The following TIAM1 variants were observed in gnomAD, a reference collection of about 807,000 sequenced individuals.
The protein encoded by TIAM1 is rho guanine nucleotide exchange factor TIAM1.
Under a neutral mutation model 163.5 loss-of-function variants are expected in TIAM1, and 65 were observed. The observed-to-expected ratio is 0.40, with a 90% CI of 0.33 to 0.49. The LOEUF is 0.49. Among genes scored for constraint, TIAM1 ranks in the 20% least tolerant of loss-of-function variants. The pLI is 0.77. For missense variants in TIAM1, 1,789 were observed against 2,044.7 expected (o/e 0.87, Z 2.41); for synonymous variants, 833 against 810.1 (o/e 1.03, Z -0.48).
intron 2 of TIAM1, among the ~76,000 whole-genome samples, chr21:31,387,996 T>A (rs1008704160): frequency 6.6e-6 from 1 of 152,020 alleles, no homozygotes; most frequent in Non-Finnish European, 1.5e-5. Flanking sequence ...GTGTGGCACC[T>A]TCTCTCACTC....
chr21:31,417,197 T>A (rs1260422855), intron 2 of TIAM1, among the ~76,000 whole-genome samples: 1 of 152,118 alleles, frequency 6.6e-6, no homozygotes, highest in African/African-American at 2.4e-5. Flanking sequence ...TAATTTTTTG[T>A]ATTTAGTAGA....
chr21:31,381,367 T>C (rs1328113447), intron 2 of TIAM1, among the ~76,000 whole-genome samples: 1 of 151,878 alleles, frequency 6.6e-6, no homozygotes, highest in Non-Finnish European at 1.5e-5. Flanking sequence ...CTACAAAAAA[T>C]AGACAAAATT....
chr21:31,175,670 C>G (rs1310326492), intron 15 of TIAM1, among the ~76,000 whole-genome samples: 1 of 152,104 alleles, frequency 6.6e-6, no homozygotes, highest in African/African-American at 2.4e-5. Context: ...ACGATCTTGG[C>G]TCACAGCAAC....
chr21:31,163,969 T>G (rs2084066826), intron 16 of TIAM1, among the ~76,000 whole-genome samples: 1 of 152,248 alleles, frequency 6.6e-6, no homozygotes, highest in African/African-American at 2.4e-5. Flanking sequence ...TTGCTTTTTT[T>G]GCGGGGGCAG....
chr21:31,323,877 G>A (rs1402402986), intron 2 of TIAM1, among the ~76,000 whole-genome samples: 2 of 151,894 alleles, frequency 1.3e-5, no homozygotes, highest in African/African-American at 4.8e-5. Context: ...GTGTGGTGGT[G>A]TGTGCTTGTA....
At chr21:31,442,824 T>C (rs934809713) in intron 2 of TIAM1, among the ~76,000 whole-genome samples, 1 of 152,182 alleles carries the variant, frequency 6.6e-6, no homozygotes, top group Admixed American at 6.5e-5. Flanking sequence ...TGGAATTCTG[T>C]ATTTAACAAG....
intron 1 of TIAM1, among the ~76,000 whole-genome samples, chr21:31,495,833 G>A (rs1447774529): frequency 6.6e-6 from 1 of 152,200 alleles, no homozygotes; most frequent in Non-Finnish European, 1.5e-5. Context: ...TTAGCCAGGT[G>A]CAGGGGCAGG....
chr21:31,370,909 C>T (rs1357645657), intron 2 of TIAM1, among the ~76,000 whole-genome samples: 4 of 152,148 alleles, frequency 2.6e-5, no homozygotes, highest in Admixed American at 6.5e-5. Flanking sequence ...CCTGTGCCGC[C>T]CTCTCTCAGA....
chr21:31,266,481 G>A lies in TIAM1; in HGVS notation c.492C>T (p.Ser164=). ...SNGPTFMETA[S]FKKKRSKSAD... ...CAGATTTGGAGCGTTTCTTCTTAAA[G>A]CTCGCCGTCTCCATGAAAGTGGGCC... Residue 164 remains serine (S), a synonymous_variant, in exon 4 of 28, where the codon AGC becomes AGT. Coordinates refer to ENST00000541036, the MANE Select transcript of TIAM1 (RefSeq NM_001353694.2). 6.2e-7 allele frequency: 1 copy of A among 1,614,184 alleles called. No homozygotes were observed.
chr21:31,146,809 G>T, intron 20 of TIAM1, 86 bp downstream of exon 20: 1 of 1,048,366 alleles, frequency 9.5e-7, no homozygotes. Flanking sequence ...ATGACTCTTA[G>T]ATTTCTGCCC....
At chr21:31,379,206 A>G (rs1246509690) in intron 2 of TIAM1, among the ~76,000 whole-genome samples, 4 of 152,178 alleles carry the variant, frequency 2.6e-5, no homozygotes, top group Non-Finnish European at 5.9e-5. Context: ...TCCTGACCTC[A>G]GGTGATCTGC....
chr21:31,229,146 G>C (rs2088243401), intron 6 of TIAM1, among the ~76,000 whole-genome samples: 1 of 152,138 alleles, frequency 6.6e-6, no homozygotes, highest in Non-Finnish European at 1.5e-5. Flanking sequence ...AGTTGAGAGG[G>C]CAGGTTTTTT....
intron 12 of TIAM1, 49 bp from the exon 13 acceptor site, chr21:31,195,354 T>C: frequency 1.5e-6 from 2 of 1,326,046 alleles, no homozygotes; most frequent in South Asian, 2.5e-5. Context: ...ATAACTAACT[T>C]TTAAAAATGG....
At chr21:31,124,858 A>G (rs1014591986) in intron 26 of TIAM1, among the ~76,000 whole-genome samples, 164 bp from the exon 27 acceptor site, 2 of 152,330 alleles carry the variant, frequency 1.3e-5, no homozygotes, top group East Asian at 3.9e-4. Flanking sequence ...CGCCAGTGAT[A>G]AAGAGCACAT....
intron 10 of TIAM1, chr21:31,213,188 T>C (rs1445921130): frequency 1.6e-5 from 8 of 487,528 alleles, no homozygotes; most frequent in Non-Finnish European, 2.8e-5. Context: ...GGAAATGTTA[T>C]GTCAGCAGGA....
intron 2 of TIAM1, among the ~76,000 whole-genome samples, chr21:31,447,439 A>G (rs1452791768): frequency 1.3e-5 from 2 of 152,126 alleles, no homozygotes; most frequent in Non-Finnish European, 2.9e-5. Flanking sequence ...CTATCTCAAG[A>G]AGATTTAAAA....
rs770985196 is a variant in TIAM1 at position 31,528,008 on chromosome 21, T to C, written c.-422+30919A>G. Among the ~76,000 whole-genome samples, 24 of 152,294 alleles carry C rather than the reference T, an allele frequency of 1.6e-4. 1 individual carries two copies. The highest frequency in any genetic ancestry group is 5.1e-4 in the African/African-American group (21 of 41,566). The stretch of plus-strand genomic sequence containing the variant: ...TGATACAAGTGTTACAGTGTTAATA[T>C]AGCTGAGATGGGAAGCCCTAAACTA... On this transcript the variant is annotated intron_variant, in intron 1 of 28. Transcript: ENST00000286827.
intron 1 of TIAM1, among the ~76,000 whole-genome samples, chr21:31,343,581 C>T (rs2076081549): frequency 1.3e-5 from 2 of 152,280 alleles, no homozygotes; most frequent in Admixed American, 1.3e-4. Context: ...ATGAGAACCC[C>T]GAGACTTCCG....
intron 2 of TIAM1, among the ~76,000 whole-genome samples, chr21:31,277,381 C>T (rs916472851): frequency 3.9e-5 from 6 of 152,216 alleles, no homozygotes; most frequent in South Asian, 4.1e-4. Context: ...CGTGGTGGCT[C>T]ATGCCTGTAA....
Sources: gnomAD v4.1 joint callset for allele counts (sites outside exome capture counted in the v4.1 genomes callset) on GRCh38, gnomAD v4.1.1 for gene constraint, MANE v1.5 for transcripts, NCBI Gene and HGNC (gene_info 2026-07-23, HGNC 2026-07-21) for gene names.